CNTN4: variants seen among roughly 807,000 people sequenced by gnomAD.
CNTN4 encodes contactin 4.
In CNTN4, 77 loss-of-function variants were observed where a neutral mutation model predicts 122.5. That is an observed-to-expected ratio of 0.63 (90% CI 0.52 to 0.76). The LOEUF (loss-of-function observed/expected upper bound fraction) is 0.76, where lower values mean the gene tolerates loss of function less well. Among genes scored for constraint, CNTN4 ranks in the 30% least tolerant of loss-of-function variants. CNTN4 has a pLI of 0.00. For missense variants in CNTN4, 1,256 were observed against 1,259.1 expected (o/e 1.00, Z 0.04); for synonymous variants, 512 against 447.0 (o/e 1.15, Z -1.83).
At chr3:2,992,987 C>T (rs1287120620) in intron 14 of CNTN4, among the ~76,000 whole-genome samples, 1 of 151,936 alleles carries the variant, frequency 6.6e-6, no homozygotes, top group African/African-American at 2.4e-5. Context: ...AATAAATACC[C>T]CAATTGATCC....
At chr3:2,304,218 T>G (rs1209512190) in intron 2 of CNTN4, among the ~76,000 whole-genome samples, 2 of 152,178 alleles carry the variant, frequency 1.3e-5, no homozygotes, top group Non-Finnish European at 2.9e-5. Context: ...AAGTTTAGAT[T>G]TATATGCTTA....
At chr3:2,965,736 T>C (rs1441675863) in intron 13 of CNTN4, among the ~76,000 whole-genome samples, 1 of 152,198 alleles carries the variant, frequency 6.6e-6, no homozygotes, top group East Asian at 1.9e-4. Context: ...GGCAAGGGTC[T>C]TTGTGACCTG....
chr3:2,375,738 T>C (rs2045791990), intron 3 of CNTN4, among the ~76,000 whole-genome samples: 1 of 152,182 alleles, frequency 6.6e-6, no homozygotes, highest in African/African-American at 2.4e-5. Flanking sequence ...TATCATGAAG[T>C]GTTACCGGGT....
intron 3 of CNTN4, among the ~76,000 whole-genome samples, chr3:2,377,207 T>G (rs1266909313): frequency 6.6e-6 from 1 of 152,108 alleles, no homozygotes; most frequent in Non-Finnish European, 1.5e-5. Context: ...TTCCAAGTTT[T>G]TAGATACCAT....
intron 3 of CNTN4, among the ~76,000 whole-genome samples, chr3:2,406,070 G>C (rs575999570): frequency 6.6e-6 from 1 of 151,754 alleles, no homozygotes; most frequent in African/African-American, 2.4e-5. Flanking sequence ...AAAAACTATG[G>C]TAATAATTGT....
At chr3:2,859,489 T>C (rs1219167327) in intron 7 of CNTN4, among the ~76,000 whole-genome samples, 1 of 152,076 alleles carries the variant, frequency 6.6e-6, no homozygotes, top group African/African-American at 2.4e-5. Context: ...CTGTCACTCT[T>C]CAGCCTCCAC....
At chr3:2,482,372 G>A (rs1259379815) in intron 3 of CNTN4, among the ~76,000 whole-genome samples, 3 of 152,048 alleles carry the variant, frequency 2.0e-5, no homozygotes, top group Admixed American at 2.0e-4. Flanking sequence ...AAGTAACAAA[G>A]GGTTCAAGAG....
intron 3 of CNTN4, among the ~76,000 whole-genome samples, chr3:2,451,761 G>A (rs2048838967): frequency 6.6e-6 from 1 of 151,944 alleles, no homozygotes; most frequent in Non-Finnish European, 1.5e-5. Flanking sequence ...ATTGTATCCT[G>A]ATTATATATG....
chr3:2,103,332 G>C (rs2032150721), intron 2 of CNTN4, among the ~76,000 whole-genome samples: 1 of 152,152 alleles, frequency 6.6e-6, no homozygotes, highest in South Asian at 2.1e-4. Context: ...TACTGGAATG[G>C]AATTAGATAT....
At chr3:2,426,670 G>T (rs2047847308) in intron 3 of CNTN4, among the ~76,000 whole-genome samples, 1 of 152,112 alleles carries the variant, frequency 6.6e-6, no homozygotes, top group Non-Finnish European at 1.5e-5. Flanking sequence ...TGTACCTCTG[G>T]TAGAATTCAG....
intron 6 of CNTN4, among the ~76,000 whole-genome samples, chr3:2,817,935 C>A (rs2092775095): frequency 6.6e-6 from 1 of 152,178 alleles, no homozygotes; most frequent in African/African-American, 2.4e-5. Context: ...ATGTTCTACC[C>A]TCACCTGGTG....
intron 2 of CNTN4, among the ~76,000 whole-genome samples, chr3:2,295,803 G>A (rs535268840): frequency 2.0e-5 from 3 of 152,170 alleles, no homozygotes; most frequent in African/African-American, 7.2e-5. Flanking sequence ...GGGTTTTTAT[G>A]TTTTTAGGTC....
At chr3:2,481,489 G>C (rs2076005096) in intron 3 of CNTN4, among the ~76,000 whole-genome samples, 1 of 151,998 alleles carries the variant, frequency 6.6e-6, no homozygotes, top group South Asian at 2.1e-4. Context: ...ACATCAACAT[G>C]TAAGACAAAA....
At chr3:2,138,098 G>C (rs914738810) in intron 2 of CNTN4, among the ~76,000 whole-genome samples, 3 of 142,702 alleles carry the variant, frequency 2.1e-5, no homozygotes, top group Non-Finnish European at 4.5e-5. Flanking sequence ...ACGGAGTCTC[G>C]CTCTGTTGCT....
intron 2 of CNTN4, among the ~76,000 whole-genome samples, chr3:2,206,026 G>C (rs539364518): frequency 2.0e-5 from 3 of 152,092 alleles, no homozygotes; most frequent in African/African-American, 7.2e-5. Context: ...TTTGTAGGCA[G>C]TTATTTTTAC....
chr3:2,381,826 C>G (rs1481599955), intron 3 of CNTN4, among the ~76,000 whole-genome samples: 1 of 151,884 alleles, frequency 6.6e-6, no homozygotes, highest in Admixed American at 6.6e-5. Flanking sequence ...TGAAAATATT[C>G]AGAAAACATA....
At chr3:2,276,203 C>T (rs1316445894) in intron 2 of CNTN4, among the ~76,000 whole-genome samples, 4 of 151,766 alleles carry the variant, frequency 2.6e-5, no homozygotes, top group African/African-American at 4.8e-5. Context: ...GACAGAGTCT[C>T]ACTCTGCTGC....
At chr3:2,448,883 C>T (rs936634282) in intron 3 of CNTN4, among the ~76,000 whole-genome samples, 6 of 152,078 alleles carry the variant, frequency 3.9e-5, no homozygotes, top group African/African-American at 1.4e-4. Context: ...TGATGAGGTA[C>T]CATATCAATA....
At chr3:2,896,931 G>GTTT (rs58232281) in intron 10 of CNTN4, among the ~76,000 whole-genome samples, 2,416 of 117,994 alleles carry the variant, frequency 0.02, 91 homozygotes, top group African/African-American at 0.07. Flanking sequence ...AATTTAGAGG[G>GTTT]TTTTTTTTTT....
Sources: allele counts gnomAD v4.1 joint callset (sites outside exome capture counted in the v4.1 genomes callset), GRCh38; gene constraint gnomAD v4.1.1; transcripts MANE v1.5; gene names NCBI Gene and HGNC (gene_info 2026-07-23, HGNC 2026-07-21).